RIT2: variants seen among roughly 807,000 people sequenced by gnomAD.
RIT2 encodes the protein GTP-binding protein Rit2.
In RIT2, 24 loss-of-function variants were observed where a neutral mutation model predicts 23.7. The observed-to-expected ratio is 1.01, with a 90% CI of 0.73 to 1.43. RIT2 has a LOEUF of 1.43. RIT2 is among the 40% of genes most tolerant of loss of function. The probability of loss-of-function intolerance (pLI) is 0.00; values close to 1 mark genes in which losing one functional copy is unlikely to be tolerated. For missense variants in RIT2, 236 were observed against 266.9 expected (o/e 0.88, Z 0.81); for synonymous variants, 107 against 91.1 (o/e 1.17, Z -0.99).
chr18:42,965,778 A>G (rs1420894345), intron 3 of RIT2, among the ~76,000 whole-genome samples: 1 of 93,668 alleles, frequency 1.1e-5, no homozygotes, highest in Non-Finnish European at 2.0e-5. Context: ...CAACCTGAGT[A>G]TTTGGTTCAT....
intron 2 of RIT2, among the ~76,000 whole-genome samples, chr18:42,996,276 G>A (rs1009553158): frequency 2.6e-5 from 4 of 151,798 alleles, no homozygotes; most frequent in East Asian, 1.9e-4. Flanking sequence ...CCCTAATCCC[G>A]CTCAAAGCAG....
chr18:42,905,703 C>T (rs935238653), intron 4 of RIT2, among the ~76,000 whole-genome samples: 3 of 151,984 alleles, frequency 2.0e-5, no homozygotes, highest in Admixed American at 2.0e-4. Context: ...AAACTCCTGA[C>T]CTCAGGTGAT....
At chr18:43,067,177 A>G (rs1290555400) in intron 1 of RIT2, among the ~76,000 whole-genome samples, 1 of 152,098 alleles carries the variant, frequency 6.6e-6, no homozygotes, top group Non-Finnish European at 1.5e-5. Flanking sequence ...AGGTAAAACT[A>G]GTTAGTAGGA....
At chr18:42,900,160 T>C (rs1342663344) in intron 4 of RIT2, among the ~76,000 whole-genome samples, 10 of 152,262 alleles carry the variant, frequency 6.6e-5, no homozygotes, top group Admixed American at 4.6e-4. Flanking sequence ...AGATTATTTT[T>C]AATAAGGTGC....
At chr18:43,000,497 A>G (rs1445184982) in intron 2 of RIT2, among the ~76,000 whole-genome samples, 1 of 152,126 alleles carries the variant, frequency 6.6e-6, no homozygotes, top group Non-Finnish European at 1.5e-5. Flanking sequence ...TTTACATTCA[A>G]AATAGCAGTT....
At chr18:42,844,150 A>C (rs189021107) in intron 4 of RIT2, among the ~76,000 whole-genome samples, 1 of 152,258 alleles carries the variant, frequency 6.6e-6, no homozygotes, top group Admixed American at 6.5e-5. Context: ...CACTGACATA[A>C]GAGCAAGCTC....
intron 1 of RIT2, among the ~76,000 whole-genome samples, chr18:43,105,519 A>AGGAAGAGAGGAAGGGAGGAAG (rs1555658770): frequency 5.9e-5 from 9 of 151,488 alleles, no homozygotes; most frequent in Admixed American, 2.0e-4. Flanking sequence ...GGAGGGAGGG[A>AGGAAGAGAGGAAGGGAGGAAG]ATGAGCAGTT....
At chr18:43,105,490 G>GAAGGGAGGAAGAGAGGAAGGGGGGAAGGA (rs1568083814) in intron 1 of RIT2, among the ~76,000 whole-genome samples, 1 of 118,240 alleles carries the variant, frequency 8.5e-6, no homozygotes, top group Non-Finnish European at 1.7e-5. Flanking sequence ...GGGAGGAAGG[G>GAAGGGAGGAAGAGAGGAAGGGGGGAAGGA]AGGAAGAAAG....
At chr18:42,991,786 C>T (rs1253824248) in intron 2 of RIT2, among the ~76,000 whole-genome samples, 2 of 151,902 alleles carry the variant, frequency 1.3e-5, no homozygotes, top group Non-Finnish European at 2.9e-5. Context: ...CAGAGAACAA[C>T]CCCCCTTTGA....
rs144468721 is a variant in RIT2 at position 43,078,913 on chromosome 18, G to A, written c.103+36504C>T. ...CCAGAGGAGCGGGAAAAGGAGCAGG[G>A]ACACTGTAAAAGATGTGCCCTGGCT... On this transcript the variant is annotated intron_variant, in intron 1 of 4. Coordinates refer to ENST00000326695, the MANE Select transcript of RIT2 (RefSeq NM_002930.4). 3.3e-3 allele frequency among the ~76,000 whole-genome samples: 509 copies of A among 152,246 alleles called. 3 individuals are homozygous for A. The highest frequency in any genetic ancestry group is 0.012 in the African/African-American group (481 of 41,528).
chr18:43,111,600 CAAAT>C (rs1913955676), intron 1 of RIT2, among the ~76,000 whole-genome samples: 1 of 152,158 alleles, frequency 6.6e-6, no homozygotes, highest in Admixed American at 6.5e-5. Flanking sequence ...CTACTATGTA[CAAAT>C]AAACATAAAA....
chr18:42,939,178 C>T (rs924926897), intron 3 of RIT2, among the ~76,000 whole-genome samples: 16 of 152,074 alleles, frequency 1.1e-4, no homozygotes, highest in East Asian at 1.9e-4. Flanking sequence ...AAAATTATAT[C>T]GGCAAGAGGC....
chr18:42,968,787 G>A (rs1910295967), intron 3 of RIT2, among the ~76,000 whole-genome samples: 1 of 152,170 alleles, frequency 6.6e-6, no homozygotes, highest in Non-Finnish European at 1.5e-5. Flanking sequence ...CCAGCATGGA[G>A]TGATTTAAGA....
chr18:43,089,784 A>C (rs947215272), intron 1 of RIT2, among the ~76,000 whole-genome samples: 3 of 151,946 alleles, frequency 2.0e-5, no homozygotes, highest in Admixed American at 6.6e-5. Context: ...AACAAGCAAT[A>C]AGGGAAGGAT....
At chr18:42,899,428 G>A (rs866036040) in intron 4 of RIT2, among the ~76,000 whole-genome samples, 1 of 151,766 alleles carries the variant, frequency 6.6e-6, no homozygotes, top group African/African-American at 2.4e-5. Context: ...ATTGTCTACA[G>A]TGTCCCATAT....
At chr18:42,819,623 C>G (rs1238825373) in intron 4 of RIT2, among the ~76,000 whole-genome samples, 1 of 151,916 alleles carries the variant, frequency 6.6e-6, no homozygotes, top group Non-Finnish European at 1.5e-5. Flanking sequence ...TTATGTTATC[C>G]CCAGTTCTTA....
intron 1 of RIT2, among the ~76,000 whole-genome samples, chr18:43,063,879 T>C (rs1048323057): frequency 2.6e-4 from 40 of 152,182 alleles, no homozygotes; most frequent in African/African-American, 8.9e-4. Flanking sequence ...TGGGAGGTCA[T>C]AGGGAGGAGT....
chr18:42,774,860 C>T (rs758045859), intron 4 of RIT2, among the ~76,000 whole-genome samples: 53 of 152,028 alleles, frequency 3.5e-4, no homozygotes, highest in African/African-American at 1.0e-3. Context: ...AACATGAGCA[C>T]GACCATGACC....
intron 2 of RIT2, among the ~76,000 whole-genome samples, chr18:43,024,863 C>T (rs1243374376): frequency 1.3e-5 from 2 of 151,736 alleles, no homozygotes; most frequent in Non-Finnish European, 2.9e-5. Context: ...CAGAGGAATG[C>T]AAATTAGAAC....
Sources: gnomAD v4.1 joint callset for allele counts (sites outside exome capture counted in the v4.1 genomes callset) on GRCh38, gnomAD v4.1.1 for gene constraint, MANE v1.5 for transcripts, NCBI Gene and HGNC (gene_info 2026-07-23, HGNC 2026-07-21) for gene names.